Variants in KCNMA1 observed in about 807,000 individuals in gnomAD.
KCNMA1 encodes the protein potassium calcium-activated channel subfamily M alpha 1.
A neutral mutation model predicts 140.0 loss-of-function variants in KCNMA1; 29 were observed. The observed-to-expected ratio is 0.21, with a 90% CI of 0.15 to 0.28. The LOEUF (loss-of-function observed/expected upper bound fraction) is 0.28. Ranked by LOEUF, KCNMA1 falls within the 10% of genes least tolerant of loss-of-function variation. The pLI is 1.00. For synonymous variants in KCNMA1, 612 were observed against 611.9 expected (o/e 1.00, Z 0.00); for missense variants, 880 against 1,602.2 (o/e 0.55, Z 7.70).
At chr10:76,996,650 T>A (rs1034377759) in intron 19 of KCNMA1, among the ~76,000 whole-genome samples, 4 of 151,956 alleles carry the variant, frequency 2.6e-5, no homozygotes, top group African/African-American at 9.7e-5. Context: ...ACGGCAAGCA[T>A]GGGAAGATGG....
At chr10:77,519,451 G>A (rs1020564648) in intron 1 of KCNMA1, among the ~76,000 whole-genome samples, 10 of 152,180 alleles carry the variant, frequency 6.6e-5, no homozygotes, top group Non-Finnish European at 1.0e-4. Flanking sequence ...CATAAAAGGC[G>A]TAGGACCCAC....
rs1491474657 is a variant in KCNMA1, at chr10:77,353,969, TTG to T, written c.540+49891_540+49892del. On this transcript the variant is annotated intron_variant, in intron 2 of 27. Transcript: ENST00000286628. ...ACCCCATGGCATCCTGCCTCTTTTT[TTG>T]GGGGGGGGGGTGGTGGGGGTGGAGG... Among the ~76,000 whole-genome samples the T allele has an allele frequency of 1.1e-3, 38 of 35,288 alleles. 1 individual carries two copies. The highest frequency in any genetic ancestry group is 6.7e-3 in the Admixed American group (30 of 4,464). 23.2% of individuals were successfully genotyped at this position (35,288 alleles called of 152,430 possible).
chr10:77,637,678 G>A lies in KCNMA1; in HGVS notation c.-36C>T, dbSNP rs763485744. 17 of 1,451,684 alleles carry A rather than the reference G, an allele frequency of 1.2e-5. No homozygotes were observed. In the South Asian group the frequency reaches 2.5e-4, roughly 21 times the overall value. The allele number at this position is 1,451,684 out of a possible 1,614,324, so 89.9% of individuals were successfully genotyped here. A position where few individuals can be genotyped will look rare whatever the true frequency, so the allele number is the denominator to read the frequency against. ...GGGCAGCCGGCGCAGGGGCTCGGGG[G>A]AGCTCCTCCCGCCGCCAGCGCCACC... On this transcript the variant is annotated 5_prime_UTR_variant, in exon 1 of 28. Coordinates refer to ENST00000286628, the MANE Select transcript of KCNMA1 (RefSeq NM_001161352.2).
intron 1 of KCNMA1, among the ~76,000 whole-genome samples, chr10:77,492,182 G>A (rs368288985): frequency 3.3e-5 from 5 of 152,148 alleles, no homozygotes; most frequent in African/African-American, 1.2e-4. Context: ...AAGGTCCCTC[G>A]TGGGCTGTCC....
At chr10:77,607,759 G>T (rs989061102) in intron 1 of KCNMA1, among the ~76,000 whole-genome samples, 10 of 152,148 alleles carry the variant, frequency 6.6e-5, no homozygotes, top group Admixed American at 6.5e-4. Context: ...GACTTTAAAA[G>T]CCCAGGGAAA....
chr10:77,588,774 A>C (rs1362839521), intron 1 of KCNMA1, among the ~76,000 whole-genome samples: 1 of 152,238 alleles, frequency 6.6e-6, no homozygotes, highest in African/African-American at 2.4e-5. Flanking sequence ...AAGCCAGAAC[A>C]GCCATGTGGC....
At chr10:77,035,190 G>C (rs903993438) in intron 15 of KCNMA1, among the ~76,000 whole-genome samples, 1 of 152,228 alleles carries the variant, frequency 6.6e-6, no homozygotes, top group African/African-American at 2.4e-5. Flanking sequence ...GGTGTTGAGA[G>C]AGCTCCCTAT....
chr10:76,962,276 A>C (rs941007186), intron 20 of KCNMA1, among the ~76,000 whole-genome samples: 1 of 152,214 alleles, frequency 6.6e-6, no homozygotes, highest in Non-Finnish European at 1.5e-5. Flanking sequence ...ACACACAAAA[A>C]TGTTATGAAA....
intron 1 of KCNMA1, among the ~76,000 whole-genome samples, chr10:77,497,098 G>A (rs2042229482): frequency 6.6e-6 from 1 of 152,228 alleles, no homozygotes; most frequent in South Asian, 2.1e-4. Flanking sequence ...AACCATGGGA[G>A]TTCAGCACTG....
chr10:77,400,114 C>A (rs548961703), intron 2 of KCNMA1, among the ~76,000 whole-genome samples: 5 of 152,232 alleles, frequency 3.3e-5, no homozygotes, highest in Non-Finnish European at 7.3e-5. Flanking sequence ...AACATTTGGA[C>A]GGCTCAAGAC....
intron 19 of KCNMA1, among the ~76,000 whole-genome samples, chr10:76,988,361 C>T (rs1393333926): frequency 1.3e-5 from 2 of 152,046 alleles, no homozygotes; most frequent in East Asian, 3.9e-4. Context: ...GTCTCAACAC[C>T]AACTGGACCT....
chr10:77,072,718 A>G (rs1215415951), intron 14 of KCNMA1, among the ~76,000 whole-genome samples: 1 of 152,182 alleles, frequency 6.6e-6, no homozygotes, highest in Non-Finnish European at 1.5e-5. Flanking sequence ...ACACAGTGAG[A>G]GGTCCACCAG....
intron 20 of KCNMA1, among the ~76,000 whole-genome samples, chr10:76,963,560 T>A (rs1292399427): frequency 6.6e-6 from 1 of 152,032 alleles, no homozygotes; most frequent in Non-Finnish European, 1.5e-5. Context: ...GACAAGAGGG[T>A]GCCTAGGGTG....
intron 1 of KCNMA1, among the ~76,000 whole-genome samples, chr10:77,610,211 C>A (rs867575505): frequency 6.6e-6 from 1 of 152,188 alleles, no homozygotes; most frequent in Admixed American, 6.5e-5. Context: ...CAATCCCATC[C>A]CCTGTTCAGT....
intron 2 of KCNMA1, among the ~76,000 whole-genome samples, chr10:77,264,364 G>T (rs188683548): frequency 2.6e-5 from 4 of 152,176 alleles, no homozygotes; most frequent in Non-Finnish European, 5.9e-5. Context: ...TGAGAATGTG[G>T]TCAGGTAACC....
intron 3 of KCNMA1, among the ~76,000 whole-genome samples, chr10:77,236,605 C>T (rs181986422): frequency 1.4e-3 from 213 of 152,308 alleles, no homozygotes; most frequent in African/African-American, 2.4e-3. Context: ...GTTTCTTAAA[C>T]GCTTTTTAGC....
chr10:77,364,415 C>T (rs149812586), intron 2 of KCNMA1, among the ~76,000 whole-genome samples: 165 of 152,008 alleles, frequency 1.1e-3, no homozygotes, highest in African/African-American at 3.7e-3. Flanking sequence ...CGTGCCACTG[C>T]ACTCCAGCTT....
At chr10:76,890,282 G>A (rs2039374223) in intron 26 of KCNMA1, among the ~76,000 whole-genome samples, 2 of 152,186 alleles carry the variant, frequency 1.3e-5, no homozygotes, top group African/African-American at 2.4e-5. Context: ...GCGGCCAGGT[G>A]GCTTCAGGTA....
chr10:77,112,336 C>G, intron 7 of KCNMA1, 31 bp downstream of exon 7: 2 of 1,533,320 alleles, frequency 1.3e-6, no homozygotes, highest in Non-Finnish European at 1.8e-6. Context: ...TGCAGGCAAG[C>G]GAGAGCAGAA....
Sources: gnomAD v4.1 joint callset for allele counts (sites outside exome capture counted in the v4.1 genomes callset) on GRCh38, gnomAD v4.1.1 for gene constraint, MANE v1.5 for transcripts, NCBI Gene and HGNC (gene_info 2026-07-23, HGNC 2026-07-21) for gene names.